Variants in ZNF48 observed in about 807,000 individuals in gnomAD.
ZNF48 encodes zinc finger protein 48, also known as zinc finger protein 553.
A neutral mutation model predicts 40.0 loss-of-function variants in ZNF48; 20 were observed. That is an observed-to-expected ratio of 0.50 (90% confidence interval 0.35 to 0.73). The LOEUF is 0.73. Ranked by LOEUF, ZNF48 falls within the 30% of genes least tolerant of loss-of-function variation. The pLI, the probability that ZNF48 is intolerant of heterozygous loss-of-function variation, is 0.01. For synonymous variants in ZNF48, 298 were observed against 329.7 expected (o/e 0.90, Z 1.04); for missense variants, 726 against 851.9 (o/e 0.85, Z 1.84).
chr16:30,384,820 G>A (rs1355135965), intron 1 of ZNF48, among the ~76,000 whole-genome samples: 1 of 151,606 alleles, frequency 6.6e-6, no homozygotes, highest in African/African-American at 2.4e-5. Context: ...GTAGGTTGCA[G>A]TGAGCCAAGA....
chr16:30,395,852 C>T lies in ZNF48; in HGVS notation c.58C>T (p.Pro20Ser), dbSNP rs2151117563. 2 of 1,545,724 alleles carry T rather than the reference C, an allele frequency of 1.3e-6. No individual in the cohort carries two copies. Among genetic ancestry groups the T allele is most frequent in the Non-Finnish European group, 8.7e-7 (1 of 1,150,478 alleles). The part of the protein sequence containing the change: ...PDLHRPEERE[P>S]QRGARTGLGS... ...TCTCCACCGCCCGGAGGAGAGGGAG[C>T]CACAGAGAGGCGCCCGCACAGGTGA... is the stretch of plus-strand genomic sequence containing the variant. Residue 20 changes from proline (P) to serine (S), a missense_variant, in exon 2 of 3, where the codon CCA becomes TCA. Pro to Ser is a moderately conservative substitution (Grantham distance 74, BLOSUM62 -1). This residue lies in a region of ZNF48 where 151 missense variants were observed against 162.3 expected (regional missense o/e 0.93). Transcript: ENST00000613509. This position sits in a 1 kb window ranked among gnomAD's most constrained non-coding sequence, Gnocchi z 5.9.
Position 30,398,055 on chromosome 16 carries a change from A to G in ZNF48, c.805A>G (p.Lys269Glu), listed in dbSNP as rs1167667421. Residue 269 changes from lysine (K) to glutamate (E), a missense_variant, in exon 3 of 3, where the codon AAG becomes GAG. Physicochemically the swap from Lys to Glu is moderately conservative, Grantham distance 56. Coordinates refer to ENST00000613509, the MANE Select transcript of ZNF48 (RefSeq NM_001214909.2). The surrounding 1 kb of genome is among the most constrained non-coding windows in gnomAD (Gnocchi z 6.6). ...AGCCACGGCAGCTACCCAGGGACCGAAGGCCCAGGACAAGCCATATATCTG... is the reference window on the plus strand; with the variant it reads ...AGCCACGGCAGCTACCCAGGGACCGGAGGCCCAGGACAAGCCATATATCTG... ...RAATAATQGP[K>E]AQDKPYICTD... 1.2e-6 allele frequency: 2 copies of G among 1,612,524 alleles called. No individual in the cohort carries two copies. Among genetic ancestry groups the G allele is most frequent in the Admixed American group, 1.7e-5 (1 of 59,946 alleles).
At chr16:30,380,092 G>T in intron 1 of ZNF48, 2 of 1,416,448 alleles carry the variant, frequency 1.4e-6, no homozygotes, top group South Asian at 1.3e-5. Flanking sequence ...GACATTTCAT[G>T]ACCAGAGACA....
chr16:30,385,346 G>T (rs894620964), intron 1 of ZNF48, among the ~76,000 whole-genome samples: 10 of 152,200 alleles, frequency 6.6e-5, no homozygotes, highest in Admixed American at 5.9e-4. Flanking sequence ...TCTGAAATCA[G>T]CCGGGTGTGG....
In ZNF48 at chr16:30,395,445, G is replaced by T; in HGVS notation, c.-149G>T. The T allele has an allele frequency of 2.8e-6, 1 of 354,722 alleles. No individual in the cohort carries two copies. Among genetic ancestry groups the T allele is most frequent in the East Asian group, 1.5e-4 (1 of 6,890 alleles). The allele number at this position is 354,722 out of a possible 1,614,324, so 22.0% of individuals were successfully genotyped here. A position where few individuals can be genotyped will look rare whatever the true frequency, so the allele number is the denominator to read the frequency against. On this transcript the variant is annotated 5_prime_UTR_variant, in exon 1 of 3. Coordinates refer to ENST00000613509, the MANE Select transcript of ZNF48 (RefSeq NM_001214909.2). The surrounding 1 kb of genome is among the most constrained non-coding windows in gnomAD (Gnocchi z 5.9). ...CCCCGCCCCCGGTGGCCGCCCCCGG[G>T]ACGCCTGGGTCCGAGCCCGCTCCCG...
chr16:30,379,631 C>T (rs934126298), intron 1 of ZNF48: 2 of 637,316 alleles, frequency 3.1e-6, no homozygotes, highest in Admixed American at 6.3e-5. Context: ...CTGCTTCCTG[C>T]CCCTTCCTCT....
chr16:30,382,454 G>T lies in ZNF48; in HGVS notation c.-16+4044G>T. The T allele has an allele frequency of 6.4e-7, 1 of 1,562,392 alleles. No individual in the cohort carries two copies. Among genetic ancestry groups the T allele is most frequent in the Non-Finnish European group, 8.8e-7 (1 of 1,140,502 alleles). The stretch of plus-strand genomic sequence containing the variant: ...TGAGTTCCTGGGCTAGGAAGAGTCA[G>T]TGGGGTCTGGGGACCCCAGGCATGG... On this transcript the variant is annotated intron_variant, in intron 1 of 2. Coordinates refer to the ZNF48 transcript ENST00000528032. This position sits in a 1 kb window ranked among gnomAD's most constrained non-coding sequence, Gnocchi z 4.8.
rs957703144 is a variant in ZNF48, at chr16:30,397,448, T to G, written c.198T>G (p.Ser66=). 1.9e-6 allele frequency: 3 copies of G among 1,613,970 alleles called. No homozygotes were observed. The African/African-American group carries it at 4.0e-5, about 22-fold the overall frequency. The change falls in exon 3 of 3, where the codon TCT becomes TCG. Residue 66 remains serine, a synonymous_variant. Transcript: ENST00000613509. The surrounding 1 kb of genome is among the most constrained non-coding windows in gnomAD (Gnocchi z 4.1). The part of the protein sequence containing the change: ...LAPDHEVGNA[S]LKPEGIQNWD... ...CAGATCATGAAGTAGGAAATGCCTC[T>G]CTCAAACCTGAAGGCATCCAGAACT... is the stretch of plus-strand genomic sequence containing the variant.
Position 30,397,424 on chromosome 16 carries a change from A to G in ZNF48, c.174A>G (p.Pro58=), listed in dbSNP as rs746717972. 1.6e-5 allele frequency: 26 copies of G among 1,614,132 alleles called. No individual in the cohort carries two copies. The highest frequency in any genetic ancestry group is 2.2e-5 in the Non-Finnish European group (26 of 1,180,014). Residue 58 remains proline, a synonymous_variant, in exon 3 of 3, where the codon CCA becomes CCG. Transcript: ENST00000613509. The surrounding 1 kb of genome is among the most constrained non-coding windows in gnomAD (Gnocchi z 4.1). Reference sequence around the variant, plus strand: ...GGTTCAAGGAAGAAGATTTGGCTCCAGATCATGAAGTAGGAAATGCCTCTC... The same window carrying G: ...GGTTCAAGGAAGAAGATTTGGCTCCGGATCATGAAGTAGGAAATGCCTCTC... ...DLGFKEEDLA[P]DHEVGNASLK...
At chr16:30,378,554 C>T (rs751012090) in intron 1 of ZNF48, 2 of 1,602,788 alleles carry the variant, frequency 1.2e-6, no homozygotes, top group Non-Finnish European at 1.7e-6. Context: ...GGTGACCTGG[C>T]GAAGCCAGAG....
intron 1 of ZNF48, chr16:30,379,638 C>CCCTTTTTT: frequency 3.4e-6 from 1 of 295,688 alleles, no homozygotes; most frequent in Non-Finnish European, 5.7e-6. Context: ...CTGCCCCTTC[C>CCCTTTTTT]TCTTTTTTTT....
Position 30,398,945 on chromosome 16 carries a change from C to A in ZNF48, c.1695C>A (p.His565Gln). Residue 565 changes from histidine (H) to glutamine (Q), a missense_variant, in exon 3 of 3, where the codon CAC becomes CAA. Coordinates refer to ENST00000613509, the MANE Select transcript of ZNF48 (RefSeq NM_001214909.2). This position sits in a 1 kb window ranked among gnomAD's most constrained non-coding sequence, Gnocchi z 6.6. ...SSDLVKHRRT[H>Q]TGEKPYKCAE... is the part of the protein sequence containing the mutation. ...ATCTGGTCAAACACAGGCGTACACA[C>A]ACGGGGGAGAAGCCATACAAGTGTG... 2 of 1,613,676 alleles carry A rather than the reference C, an allele frequency of 1.2e-6. No homozygotes were observed. Among genetic ancestry groups the A allele is most frequent in the Non-Finnish European group, 1.7e-6 (2 of 1,179,874 alleles).
At position 30,381,007 on chromosome 16, in the gene ZNF48, C is replaced by G; in HGVS notation, c.-16+2597C>G. ...TACCACCCGCCTTCCTCAGAAGCTTCTCCTACAATCTAGCCTGATGCACCA... is the reference window on the plus strand; with the variant it reads ...TACCACCCGCCTTCCTCAGAAGCTTGTCCTACAATCTAGCCTGATGCACCA... On this transcript the variant is annotated intron_variant, in intron 1 of 2. Coordinates refer to the ZNF48 transcript ENST00000528032. This position sits in a 1 kb window ranked among gnomAD's most constrained non-coding sequence, Gnocchi z 4.3. 2 of 840,564 alleles carry G rather than the reference C, an allele frequency of 2.4e-6. No individual in the cohort carries two copies. The highest frequency in any genetic ancestry group is 3.0e-5 in the South Asian group (2 of 66,898). 52.1% of individuals were successfully genotyped at this position (840,564 alleles called of 1,614,324 possible).
At chr16:30,396,327 T>C (rs1219261566) in intron 2 of ZNF48, among the ~76,000 whole-genome samples, 1 of 152,172 alleles carries the variant, frequency 6.6e-6, no homozygotes, top group Non-Finnish European at 1.5e-5. Context: ...CTTTGACACC[T>C]TATCTTCCAT....
upstream of ZNF48, among the ~76,000 whole-genome samples, chr16:30,391,094 C>A (rs745704250): frequency 6.6e-6 from 1 of 152,108 alleles, no homozygotes; most frequent in Non-Finnish European, 1.5e-5. Context: ...TGTAAACTCA[C>A]GGCACATTAA....
Position 30,395,814 on chromosome 16 carries a change from C to T in ZNF48, c.20C>T (p.Pro7Leu). Residue 7 changes from proline to leucine, a missense_variant, in exon 2 of 3, where the codon CCT becomes CTT. Transcript: ENST00000613509. The surrounding 1 kb of genome is among the most constrained non-coding windows in gnomAD (Gnocchi z 5.9). Reference sequence around the variant, plus strand: ...CCGGCGATGGAGCGCGCGGTAGAGCCTTGGGGCCCAGATCTCCACCGCCCG... The same window carrying T: ...CCGGCGATGGAGCGCGCGGTAGAGCTTTGGGGCCCAGATCTCCACCGCCCG... MERAVE[P>L]WGPDLHRPEE... The T allele has an allele frequency of 6.5e-7, 1 of 1,549,896 alleles. No individual in the cohort carries two copies. The highest frequency in any genetic ancestry group is 1.2e-5 in the South Asian group (1 of 84,348).
chr16:30,381,467 A>C lies in ZNF48; in HGVS notation c.-16+3057A>C. ...GCTCCTCGATGAATTTCACCACCGG[A>C]AGCCAGCTGGGTGTGGGGAGAGGAT... On this transcript the variant is annotated intron_variant, in intron 1 of 2. Transcript: ENST00000528032. The surrounding 1 kb of genome is among the most constrained non-coding windows in gnomAD (Gnocchi z 4.3). 1 of 1,614,038 alleles carries C rather than the reference A, an allele frequency of 6.2e-7. No homozygotes were observed. The highest frequency in any genetic ancestry group is 8.5e-7 in the Non-Finnish European group (1 of 1,180,006).
chr16:30,386,397 G>A (rs764443490), intron 1 of ZNF48, among the ~76,000 whole-genome samples: 3 of 151,236 alleles, frequency 2.0e-5, no homozygotes, highest in Non-Finnish European at 2.9e-5. Flanking sequence ...TGTGGGCCGG[G>A]AGTGGTGGCT....
upstream of ZNF48, among the ~76,000 whole-genome samples, chr16:30,391,142 T>C (rs1301841569): frequency 6.6e-6 from 1 of 152,234 alleles, no homozygotes; most frequent in African/African-American, 2.4e-5. Context: ...TGAAGATAGG[T>C]CGTAATCCAT....
Sources: gnomAD v4.1 joint callset for allele counts (sites outside exome capture counted in the v4.1 genomes callset) on GRCh38, gnomAD v4.1.1 for gene constraint, gnomAD v4.1.1 regional missense constraint, Gnocchi (gnomAD v3.1) non-coding constraint, MANE v1.5 for transcripts, NCBI Gene and HGNC (gene_info 2026-07-23, HGNC 2026-07-21) for gene names.